ZNF713: variants seen among roughly 807,000 people sequenced by gnomAD.
ZNF713 encodes the protein zinc finger protein 713.
Under a neutral mutation model 28.7 loss-of-function variants are expected in ZNF713, and 21 were observed. The observed-to-expected ratio is 0.73, with a 90% CI of 0.52 to 1.05. The LOEUF is 1.05. Ranked by LOEUF, ZNF713 falls within the 50% of genes least tolerant of loss-of-function variation. The pLI is 0.00. For missense variants in ZNF713, 458 were observed against 532.4 expected (o/e 0.86, Z 1.37); for synonymous variants, 167 against 178.0 (o/e 0.94, Z 0.49).
At chr7:55,896,618 C>T (rs937210520) in intron 1 of ZNF713, among the ~76,000 whole-genome samples, 35 of 151,038 alleles carry the variant, frequency 2.3e-4, no homozygotes, top group African/African-American at 8.0e-4. Flanking sequence ...TATATACACA[C>T]ACATAAACAC....
chr7:55,919,514 T>TTTTTG (rs1206201507), intron 4 of ZNF713, among the ~76,000 whole-genome samples: 13 of 94,156 alleles, frequency 1.4e-4, no homozygotes, highest in South Asian at 4.4e-4. Flanking sequence ...TTTTTTTTTT[T>TTTTTG]TTTTTTTTTG....
rs774929904 is a variant in ZNF713 at position 55,939,337 on chromosome 7, C to G, written c.663C>G (p.Asp221Glu). 6.2e-7 allele frequency: 1 copy of G among 1,614,024 alleles called. No individual in the cohort carries two copies. Among genetic ancestry groups the G allele is most frequent in the Admixed American group, 1.7e-5 (1 of 60,004 alleles). The stretch of plus-strand genomic sequence containing the variant: ...GAAACAGCATCAAACATAATTCAGA[C>G]TTGATTTACTATCAGGGAAATTATG... ...TQGNSIKHNS[D>E]LIYYQGNYVR... The change falls in exon 7 of 7, where the codon GAC (aspartate) becomes GAG (glutamate). Residue 221 changes from aspartate (D) to glutamate (E), a missense_variant. Coordinates refer to ENST00000429591, the MANE Select transcript of ZNF713 (RefSeq NM_182633.3).
chr7:55,927,899 A>AAAAAAAG (rs1786132712), intron 6 of ZNF713, among the ~76,000 whole-genome samples: 3 of 131,480 alleles, frequency 2.3e-5, no homozygotes, highest in Non-Finnish European at 3.4e-5. Flanking sequence ...TCTGTCTCAA[A>AAAAAAAG]AAAAAAAAAA....
At chr7:55,890,112 A>ACTACTG (rs1785351411) in intron 1 of ZNF713, among the ~76,000 whole-genome samples, 1 of 152,052 alleles carries the variant, frequency 6.6e-6, no homozygotes, top group South Asian at 2.1e-4. Context: ...TTATGAGGAC[A>ACTACTG]CTACTGCTAT....
intron 6 of ZNF713, among the ~76,000 whole-genome samples, chr7:55,936,399 GA>G (rs1228376624): frequency 6.6e-6 from 1 of 152,174 alleles, no homozygotes; most frequent in African/African-American, 2.4e-5. Flanking sequence ...AGCCAAGGTG[GA>G]ATGGTCAGAA....
rs369789359 is a variant in ZNF713 at position 55,887,600 on chromosome 7, CGCGGCGGCGGCGGCGGCG to C, written c.-641_-624del. ...GGCACCTTCTCCCTCCCGGGTCCAC[CGCGGCGGCGGCGGCGGCG>C]GCGGCGGCGGCGGCGGCGGCGTCAG... On this transcript the variant is annotated 5_prime_UTR_variant, in exon 1 of 7. Transcript: ENST00000429591. The C allele has an allele frequency of 0.039, 6,885 of 178,518 alleles. 231 individuals carry two copies. Among genetic ancestry groups the C allele is most frequent in the Admixed American group, 0.061 (943 of 15,342 alleles). 11.1% of individuals were successfully genotyped at this position (178,518 alleles called of 1,614,324 possible). A position where few individuals can be genotyped will look rare whatever the true frequency, so the allele number is the denominator to read the frequency against.
intron 1 of ZNF713, among the ~76,000 whole-genome samples, chr7:55,893,937 A>T (rs1209966748): frequency 6.6e-6 from 1 of 152,060 alleles, no homozygotes; most frequent in African/African-American, 2.4e-5. Flanking sequence ...TTCTAAGCCT[A>T]CTCTAAGGGG....
chr7:55,900,085 C>T (rs575399012), intron 1 of ZNF713, among the ~76,000 whole-genome samples: 32 of 152,234 alleles, frequency 2.1e-4, no homozygotes, highest in East Asian at 1.2e-3. Context: ...TATGCCAAAG[C>T]GATATCTGTA....
At chr7:55,892,064 G>T (rs1055906923) in intron 1 of ZNF713, among the ~76,000 whole-genome samples, 19 of 151,968 alleles carry the variant, frequency 1.3e-4, no homozygotes, top group Admixed American at 1.2e-3. Flanking sequence ...CGGATCACGA[G>T]GTCAGGAGAT....
intron 1 of ZNF713, among the ~76,000 whole-genome samples, chr7:55,899,805 G>A (rs1278812903): frequency 2.7e-5 from 4 of 150,484 alleles, no homozygotes; most frequent in Non-Finnish European, 3.0e-5. Context: ...GCAGTGGCAC[G>A]ATCTCAGCTC....
intron 6 of ZNF713, among the ~76,000 whole-genome samples, chr7:55,930,742 G>A (rs1432565574): frequency 6.6e-6 from 1 of 152,042 alleles, no homozygotes; most frequent in Non-Finnish European, 1.5e-5. Context: ...CTCCAGCCTG[G>A]GCAACAGAGA....
chr7:55,905,819 T>C (rs763814981), intron 1 of ZNF713, among the ~76,000 whole-genome samples: 3 of 152,024 alleles, frequency 2.0e-5, no homozygotes, highest in African/African-American at 4.8e-5. Flanking sequence ...AAAATCCACT[T>C]ATGGCTGGGC....
chr7:55,923,384 G>C (rs2116239813), intron 5 of ZNF713, 96 bp downstream of exon 5: 1 of 1,485,276 alleles, frequency 6.7e-7, no homozygotes, highest in South Asian at 1.4e-5. Context: ...TATAGTTTGG[G>C]CTGGGATAGA....
In ZNF713 at chr7:55,940,624, C is replaced by A; in HGVS notation, c.*618C>A. The A allele has an allele frequency of 1.1e-6, 1 of 907,702 alleles. No individual in the cohort carries two copies. 56.2% of individuals were successfully genotyped at this position (907,702 alleles called of 1,614,324 possible). A position where few individuals can be genotyped will look rare whatever the true frequency, so the allele number is the denominator to read the frequency against. ...GGCATGGTGGTGCACACCTGCAATC[C>A]CAGCTACTCTGGAGACTGAGGCATG... On this transcript the variant is annotated 3_prime_UTR_variant, in exon 7 of 7. Transcript: ENST00000429591.
chr7:55,925,569 C>T (rs564333926), intron 6 of ZNF713, among the ~76,000 whole-genome samples: 3 of 152,052 alleles, frequency 2.0e-5, no homozygotes, highest in Middle Eastern at 3.4e-3. Flanking sequence ...TGCAGTGAGC[C>T]GAGATTGCAC....
At chr7:55,902,045 G>T (rs1785588295) in intron 1 of ZNF713, among the ~76,000 whole-genome samples, 1 of 152,122 alleles carries the variant, frequency 6.6e-6, no homozygotes, top group Admixed American at 6.6e-5. Context: ...ACAAAAATTA[G>T]CCAGGCTTGG....
chr7:55,896,493 G>A (rs1317864967), intron 1 of ZNF713, among the ~76,000 whole-genome samples: 3 of 151,872 alleles, frequency 2.0e-5, no homozygotes, highest in Non-Finnish European at 4.4e-5. Context: ...GAAGAAGGAA[G>A]TTACCGGTAA....
chr7:55,917,255 G>T (rs1785899689), intron 4 of ZNF713, among the ~76,000 whole-genome samples: 1 of 122,540 alleles, frequency 8.2e-6, no homozygotes, highest in Non-Finnish European at 1.7e-5. Context: ...AAAAGCATCT[G>T]CATGGAAAAA....
At chr7:55,893,209 T>C (rs992034815) in intron 1 of ZNF713, among the ~76,000 whole-genome samples, 9 of 152,246 alleles carry the variant, frequency 5.9e-5, no homozygotes, top group African/African-American at 1.7e-4. Context: ...TTATGTGACA[T>C]GGGAGCCTTC....
Sources: gnomAD v4.1 joint callset for allele counts (sites outside exome capture counted in the v4.1 genomes callset) on GRCh38, gnomAD v4.1.1 for gene constraint, MANE v1.5 for transcripts, NCBI Gene and HGNC (gene_info 2026-07-23, HGNC 2026-07-21) for gene names.